TMEM131L: variants seen among roughly 807,000 people sequenced by gnomAD.
TMEM131L encodes the protein transmembrane 131 like.
In TMEM131L, 54 loss-of-function variants were observed where a neutral mutation model predicts 192.2. The ratio of observed to expected loss-of-function variants is 0.28; its 90% confidence interval spans 0.23 to 0.35. The LOEUF (loss-of-function observed/expected upper bound fraction) is 0.35. Ranked by LOEUF, TMEM131L falls within the 10% of genes least tolerant of loss-of-function variation. The pLI is 1.00. For missense variants in TMEM131L, 1,888 were observed against 1,972.9 expected (o/e 0.96, Z 0.82); for synonymous variants, 701 against 704.9 (o/e 0.99, Z 0.09).
chr4:153,577,755 A>G (rs1211328650), intron 7 of TMEM131L, among the ~76,000 whole-genome samples: 2 of 152,204 alleles, frequency 1.3e-5, no homozygotes, highest in East Asian at 3.8e-4. Flanking sequence ...GAGAAGCTGA[A>G]GTGAAAGGGG....
At chr4:153,473,368 C>T (rs527560126) in intron 2 of TMEM131L, among the ~76,000 whole-genome samples, 7 of 152,340 alleles carry the variant, frequency 4.6e-5, no homozygotes, top group African/African-American at 1.7e-4. Flanking sequence ...TCTTCTAATA[C>T]AGCCGGGGCT....
At chr4:153,634,546 C>T (rs1734440895) in intron 33 of TMEM131L, among the ~76,000 whole-genome samples, 1 of 152,164 alleles carries the variant, frequency 6.6e-6, no homozygotes, top group Non-Finnish European at 1.5e-5. Context: ...TTAGGTAGAA[C>T]TAGGTCATTT....
rs1024059930 is a variant in TMEM131L at position 153,555,453 on chromosome 4, G to A, written c.309-334G>A. Among the ~76,000 whole-genome samples, 1 of 152,140 alleles carries A rather than the reference G, an allele frequency of 6.6e-6. No individual in the cohort carries two copies. ...AATTAGAGACCCAGGTCCGAGAAGT[G>A]CCAGTGAGTGCCTACATGTGTTTTG... On this transcript the variant is annotated intron_variant, in intron 4 of 34. Coordinates refer to ENST00000409959, the MANE Select transcript of TMEM131L (RefSeq NM_001131007.2). This position sits in a 1 kb window ranked among gnomAD's most constrained non-coding sequence, Gnocchi z 4.1.
chr4:153,633,201 C>T (rs1192661217), intron 32 of TMEM131L: 7 of 176,728 alleles, frequency 4.0e-5, no homozygotes, highest in African/African-American at 1.3e-4. Context: ...ACACGTTTAA[C>T]GTTGTATTTA....
chr4:153,528,904 A>G (rs1561162023), intron 3 of TMEM131L, among the ~76,000 whole-genome samples: 1 of 152,160 alleles, frequency 6.6e-6, no homozygotes, highest in Non-Finnish European at 1.5e-5. Flanking sequence ...GGTGGGTCAC[A>G]CCAGTCTTTG....
intron 3 of TMEM131L, among the ~76,000 whole-genome samples, chr4:153,493,124 G>C (rs186295462): frequency 1.4e-5 from 2 of 147,584 alleles, no homozygotes; most frequent in Non-Finnish European, 3.0e-5. Context: ...AGGCAGGTGG[G>C]TCACAAGGTC....
intron 3 of TMEM131L, among the ~76,000 whole-genome samples, chr4:153,495,120 G>A (rs921821568): frequency 1.3e-5 from 2 of 152,152 alleles, no homozygotes; most frequent in Non-Finnish European, 2.9e-5. Context: ...TTTGAGATCA[G>A]CCTTGCCAAC....
intron 7 of TMEM131L, among the ~76,000 whole-genome samples, chr4:153,571,336 A>G (rs1729577836): frequency 6.6e-6 from 1 of 152,138 alleles, no homozygotes; most frequent in Non-Finnish European, 1.5e-5. Flanking sequence ...AAACTTCTCA[A>G]GCATATTCCC....
At chr4:153,627,583 T>C in intron 30 of TMEM131L, 22 bp from the exon 31 acceptor site, 3 of 1,596,304 alleles carry the variant, frequency 1.9e-6, no homozygotes, top group Non-Finnish European at 2.6e-6. Flanking sequence ...GAGTCGTTCC[T>C]CCTTTGCCCT....
chr4:153,534,216 T>G (rs1736136717), intron 3 of TMEM131L, among the ~76,000 whole-genome samples: 1 of 152,208 alleles, frequency 6.6e-6, no homozygotes, highest in African/African-American at 2.4e-5. Context: ...CAAAATCTAG[T>G]GGACCTTGCA....
At chr4:153,618,474 TCCAAAAAAAAAAAAAAAAAACCCA>T (rs1374650025) in intron 26 of TMEM131L, among the ~76,000 whole-genome samples, 1 of 35,288 alleles carries the variant, frequency 2.8e-5, no homozygotes, top group Non-Finnish European at 5.3e-5. Flanking sequence ...AGACCCTGTC[TCCAAAAAAAAAAAAAAAAAACCCA>T]CCAAAAAAAC....
chr4:153,609,203 C>T (rs564621468), intron 25 of TMEM131L, among the ~76,000 whole-genome samples: 1 of 152,142 alleles, frequency 6.6e-6, no homozygotes, highest in Non-Finnish European at 1.5e-5. Flanking sequence ...GCTTCTGCTT[C>T]TGGGGAGACC....
At chr4:153,492,893 G>A (rs755771579) in intron 3 of TMEM131L, among the ~76,000 whole-genome samples, 4 of 152,196 alleles carry the variant, frequency 2.6e-5, no homozygotes, top group Non-Finnish European at 5.9e-5. Flanking sequence ...AGCAGGCTGA[G>A]CTCAGGAGGA....
At chr4:153,581,368 AT>A (rs760679068) in intron 8 of TMEM131L, 38 bp from the exon 9 acceptor site, 897 of 1,379,244 alleles carry the variant, frequency 6.5e-4, no homozygotes, top group South Asian at 1.8e-3. Context: ...AGTTGAGATG[AT>A]TTTTTTTTTC....
intron 26 of TMEM131L, among the ~76,000 whole-genome samples, chr4:153,613,356 T>C (rs2087728800): frequency 6.6e-6 from 1 of 152,114 alleles, no homozygotes; most frequent in African/African-American, 2.4e-5. Context: ...CAAGTAAAAA[T>C]AGTAATATAA....
intron 3 of TMEM131L, among the ~76,000 whole-genome samples, chr4:153,508,764 C>G (rs565528374): frequency 1.3e-5 from 2 of 151,238 alleles, no homozygotes; most frequent in South Asian, 4.2e-4. Flanking sequence ...CCCAACTTAG[C>G]TCCCCAAGGA....
Position 153,583,578 on chromosome 4 carries a change from C to A in TMEM131L, c.966C>A (p.Phe322Leu), listed in dbSNP as rs1166578865. 29 of 1,607,792 alleles carry A rather than the reference C, an allele frequency of 1.8e-5. No individual in the cohort carries two copies. The highest frequency in any genetic ancestry group is 2.4e-5 in the Non-Finnish European group (28 of 1,175,020). Residue 322 changes from phenylalanine to leucine, a missense_variant, in exon 11 of 35, where the codon TTC (phenylalanine) becomes TTA (leucine). Physicochemically the swap from Phe to Leu is conservative, Grantham distance 22. Coordinates refer to ENST00000409959, the MANE Select transcript of TMEM131L (RefSeq NM_001131007.2). ...SLIWIQDIRH[F>L]SQRDALSLQF... ...TTTTATTTCAGGATATACGCCATTT[C>A]TCACAGAGAGATGCTCTGTCTCTGC...
chr4:153,553,776 C>A (rs1263267555), intron 4 of TMEM131L, among the ~76,000 whole-genome samples: 1 of 152,092 alleles, frequency 6.6e-6, no homozygotes, highest in Admixed American at 6.5e-5. Flanking sequence ...TTCTGTTGGT[C>A]CTGAGATAAA....
chr4:153,499,975 G>T (rs1374158479), intron 3 of TMEM131L, among the ~76,000 whole-genome samples: 1 of 151,902 alleles, frequency 6.6e-6, no homozygotes, highest in Non-Finnish European at 1.5e-5. Flanking sequence ...ACTCGCCCAG[G>T]CTAAATTATT....
Sources: allele counts gnomAD v4.1 joint callset (sites outside exome capture counted in the v4.1 genomes callset), GRCh38; gene constraint gnomAD v4.1.1; non-coding constraint Gnocchi (gnomAD v3.1); transcripts MANE v1.5; gene names NCBI Gene and HGNC (gene_info 2026-07-23, HGNC 2026-07-21).